NCAM2: variants seen among roughly 807,000 people sequenced by gnomAD.
NCAM2 encodes the protein neural cell adhesion molecule 2.
In NCAM2, 30 loss-of-function variants were observed where a neutral mutation model predicts 98.1. The ratio of observed to expected loss-of-function variants is 0.31; its 90% CI spans 0.23 to 0.41. The LOEUF (loss-of-function observed/expected upper bound fraction) is 0.41. Among genes scored for constraint, NCAM2 ranks in the 10% least tolerant of loss-of-function variants. The pLI is 1.00. For synonymous variants in NCAM2, 368 were observed against 342.4 expected (o/e 1.07, Z -0.83); for missense variants, 867 against 1,005.8 (o/e 0.86, Z 1.87).
intron 9 of NCAM2, among the ~76,000 whole-genome samples, chr21:21,375,125 G>A (rs913827037): frequency 6.6e-6 from 1 of 150,570 alleles, no homozygotes; most frequent in South Asian, 2.1e-4. Context: ...TAACTAACCT[G>A]CACATTGTGC....
chr21:21,449,475 G>A (rs554234036), intron 12 of NCAM2, among the ~76,000 whole-genome samples: 1 of 152,034 alleles, frequency 6.6e-6, no homozygotes, highest in South Asian at 2.1e-4. Flanking sequence ...TAGCTTTTAA[G>A]TCCCTAATCC....
intron 8 of NCAM2, among the ~76,000 whole-genome samples, chr21:21,371,925 G>A (rs760596162): frequency 1.3e-5 from 2 of 151,396 alleles, no homozygotes; most frequent in Non-Finnish European, 3.0e-5. Context: ...GAATGGTTAA[G>A]TGAGATGATC....
intron 1 of NCAM2, among the ~76,000 whole-genome samples, chr21:21,012,551 G>T (rs2064230885): frequency 6.6e-6 from 1 of 152,042 alleles, no homozygotes; most frequent in Non-Finnish European, 1.5e-5. Context: ...TTCTACTCCT[G>T]GTTTTGCTGT....
At chr21:21,356,982 T>TC (rs1293975261) in intron 8 of NCAM2, among the ~76,000 whole-genome samples, 6 of 122,656 alleles carry the variant, frequency 4.9e-5, no homozygotes, top group African/African-American at 9.1e-5. Context: ...AGAGCGAAAC[T>TC]CCATCAATAA....
intron 15 of NCAM2, among the ~76,000 whole-genome samples, chr21:21,495,326 C>T (rs958557413): frequency 6.6e-6 from 1 of 151,898 alleles, no homozygotes; most frequent in African/African-American, 2.4e-5. Flanking sequence ...TAATTCTTCA[C>T]CTTTTCAATC....
At chr21:21,452,759 C>T (rs1262362541) in intron 12 of NCAM2, among the ~76,000 whole-genome samples, 11 of 96,428 alleles carry the variant, frequency 1.1e-4, no homozygotes, top group Non-Finnish European at 2.0e-4. Context: ...TAATATATTA[C>T]TTTATGTATT....
chr21:21,373,723 G>T (rs1215220516), intron 8 of NCAM2, 140 bp from the exon 9 acceptor site: 1 of 725,874 alleles, frequency 1.4e-6, no homozygotes. Context: ...AGCTATACAA[G>T]AAATACTTTC....
At chr21:21,010,040 T>A (rs1469786075) in intron 1 of NCAM2, among the ~76,000 whole-genome samples, 1 of 152,006 alleles carries the variant, frequency 6.6e-6, no homozygotes, top group African/African-American at 2.4e-5. Context: ...TCTGTGTGCC[T>A]GCCATTTATC....
chr21:21,096,688 A>G (rs1221103680), intron 1 of NCAM2, among the ~76,000 whole-genome samples: 3 of 151,602 alleles, frequency 2.0e-5, no homozygotes, highest in Non-Finnish European at 3.0e-5. Flanking sequence ...TCAGCTTCCA[A>G]CATTTTATTC....
Position 21,373,907 on chromosome 21 carries a change from A to G in NCAM2, c.1089A>G (p.Ser363=). ...AAGTCAAAGGGCAGCATGGAAGCTCATCACTGCATATTAAAGATGTGAAGT... is the reference window on the plus strand; with the variant it reads ...AAGTCAAAGGGCAGCATGGAAGCTCGTCACTGCATATTAAAGATGTGAAGT... The part of the protein sequence containing the change: ...RIEVKGQHGS[S]SLHIKDVKLS... Residue 363 remains serine, a synonymous_variant, in exon 9 of 18, where the codon TCA becomes TCG. Transcript: ENST00000400546. 5.0e-6 allele frequency: 8 copies of G among 1,605,922 alleles called. No individual in the cohort carries two copies. Among genetic ancestry groups the G allele is most frequent in the South Asian group, 1.1e-5 (1 of 90,860 alleles).
At chr21:21,384,247 A>G (rs981746098) in intron 9 of NCAM2, among the ~76,000 whole-genome samples, 4 of 151,862 alleles carry the variant, frequency 2.6e-5, no homozygotes, top group Non-Finnish European at 5.9e-5. Context: ...CAAATTCTCA[A>G]ATTTTGTCAT....
At position 21,266,216 on chromosome 21, in the gene NCAM2, T is replaced by G. The variant is rs920663586; in HGVS notation, c.56-14362T>G. 3.3e-5 allele frequency among the ~76,000 whole-genome samples: 5 copies of G among 152,134 alleles called. No homozygotes were observed. The South Asian group carries it at 1.0e-3, about 32-fold the overall frequency. On this transcript the variant is annotated intron_variant, in intron 1 of 17. Transcript: ENST00000400546. ...GACAGTGGGGAGTAGAGTTGCATCTTTTTATTTGGGAAATTTAGACTTAAA... is the reference window on the plus strand; with the variant it reads ...GACAGTGGGGAGTAGAGTTGCATCTGTTTATTTGGGAAATTTAGACTTAAA...
At chr21:21,132,090 C>A (rs936169792) in intron 1 of NCAM2, among the ~76,000 whole-genome samples, 1 of 152,168 alleles carries the variant, frequency 6.6e-6, no homozygotes, top group Admixed American at 6.5e-5. Flanking sequence ...TTTCCAGGTT[C>A]TAGGAGTTTC....
chr21:21,208,747 C>G (rs1427711567), intron 1 of NCAM2, among the ~76,000 whole-genome samples: 1 of 152,068 alleles, frequency 6.6e-6, no homozygotes, highest in Non-Finnish European at 1.5e-5. Context: ...GCAAAAATCA[C>G]CACAGAAAAA....
intron 5 of NCAM2, among the ~76,000 whole-genome samples, chr21:21,302,094 C>T (rs539056071): frequency 6.7e-6 from 1 of 148,222 alleles, no homozygotes; most frequent in Non-Finnish European, 1.5e-5. Flanking sequence ...CCATTTGACC[C>T]AGCCATCCCA....
intron 15 of NCAM2, among the ~76,000 whole-genome samples, chr21:21,503,950 G>A (rs1221125915): frequency 1.3e-5 from 2 of 151,772 alleles, no homozygotes; most frequent in East Asian, 3.9e-4. Context: ...GCTTAAAGCA[G>A]AAATATAAGT....
At chr21:21,029,012 A>G (rs1034493945) in intron 1 of NCAM2, among the ~76,000 whole-genome samples, 1 of 152,240 alleles carries the variant, frequency 6.6e-6, no homozygotes, top group Admixed American at 6.5e-5. Context: ...TTGAATGCAA[A>G]CAGAGCCGTT....
At chr21:21,360,078 G>T (rs921150551) in intron 8 of NCAM2, among the ~76,000 whole-genome samples, 2 of 151,840 alleles carry the variant, frequency 1.3e-5, no homozygotes, top group African/African-American at 4.8e-5. Flanking sequence ...TGCAGCAAAA[G>T]AATACATTTG....
At chr21:21,112,157 C>T (rs2066466314) in intron 1 of NCAM2, among the ~76,000 whole-genome samples, 1 of 152,050 alleles carries the variant, frequency 6.6e-6, no homozygotes. Flanking sequence ...ATAGCTTTTG[C>T]TTTCTTTTCC....
Sources: allele counts gnomAD v4.1 joint callset (sites outside exome capture counted in the v4.1 genomes callset), GRCh38; gene constraint gnomAD v4.1.1; transcripts MANE v1.5; gene names NCBI Gene and HGNC (gene_info 2026-07-23, HGNC 2026-07-21).